The following ADCY2 variants were observed in gnomAD, a reference collection of about 807,000 sequenced individuals.
The protein encoded by ADCY2 is adenylate cyclase type 2.
ADCY2 carries 31 observed loss-of-function variants against 125.2 expected under a neutral mutation model. The ratio of observed to expected loss-of-function variants is 0.25; its 90% confidence interval spans 0.19 to 0.33. ADCY2 has a LOEUF of 0.33. Ranked by LOEUF, ADCY2 falls within the 10% of genes least tolerant of loss-of-function variation. The pLI is 1.00. For missense variants in ADCY2, 904 were observed against 1,418.2 expected (o/e 0.64, Z 5.82); for synonymous variants, 512 against 548.4 (o/e 0.93, Z 0.93).
chr5:7,703,069 G>T (rs1461445496), intron 7 of ADCY2, among the ~76,000 whole-genome samples: 1 of 152,126 alleles, frequency 6.6e-6, no homozygotes, highest in African/African-American at 2.4e-5. Context: ...ACTTTTTGAT[G>T]GGGTTGTTTG....
intron 3 of ADCY2, among the ~76,000 whole-genome samples, chr5:7,553,923 A>T (rs1286984027): frequency 6.6e-6 from 1 of 152,218 alleles, no homozygotes; most frequent in Non-Finnish European, 1.5e-5. Context: ...AATGTGAGGG[A>T]ATAGCAAACA....
At chr5:7,826,669 G>A in intron 24 of ADCY2, 50 bp from the exon 25 acceptor site, 1 of 1,613,180 alleles carries the variant, frequency 6.2e-7, no homozygotes, top group Non-Finnish European at 8.5e-7. Flanking sequence ...CAGATGGGTT[G>A]TATCAATGTA....
At chr5:7,818,383 G>C (rs1358623591) in intron 23 of ADCY2, among the ~76,000 whole-genome samples, 1 of 146,868 alleles carries the variant, frequency 6.8e-6, no homozygotes, top group East Asian at 2.0e-4. Context: ...GTGAGACAGA[G>C]TCTTGCTCTG....
chr5:7,785,467 C>T (rs1157764929), intron 19 of ADCY2, among the ~76,000 whole-genome samples: 1 of 152,070 alleles, frequency 6.6e-6, no homozygotes, highest in Non-Finnish European at 1.5e-5. Flanking sequence ...TTTGAGGTCC[C>T]TTCTTCCCAC....
chr5:7,481,206 G>A lies in ADCY2; in HGVS notation c.409-39532G>A, dbSNP rs556005952. Among the ~76,000 whole-genome samples, 18 of 152,220 alleles carry A rather than the reference G, an allele frequency of 1.2e-4. 1 individual carries two copies. The South Asian group carries it at 3.7e-3, about 32-fold the overall frequency. ...TGGGGTGAGATGATATCTCACTGCA[G>A]TTTTGATTTGCATTTCTCCGATAAT... is the stretch of plus-strand genomic sequence containing the variant. On this transcript the variant is annotated intron_variant, in intron 2 of 24. Coordinates refer to ENST00000338316, the MANE Select transcript of ADCY2 (RefSeq NM_020546.3).
At chr5:7,672,087 A>T (rs893741807) in intron 4 of ADCY2, among the ~76,000 whole-genome samples, 4 of 152,206 alleles carry the variant, frequency 2.6e-5, no homozygotes, top group Non-Finnish European at 5.9e-5. Flanking sequence ...CCCATATACT[A>T]TCAGGACACA....
intron 3 of ADCY2, among the ~76,000 whole-genome samples, chr5:7,543,931 A>G (rs13177919): frequency 0.21 from 31,646 of 147,312 alleles, 3,835 homozygotes; most frequent in East Asian, 0.42. Context: ...GGAGAATGGC[A>G]TGAACCCGGG....
chr5:7,490,233 A>G (rs1743110373), intron 2 of ADCY2, among the ~76,000 whole-genome samples: 1 of 152,078 alleles, frequency 6.6e-6, no homozygotes, highest in Non-Finnish European at 1.5e-5. Context: ...AGCTTCTATA[A>G]GCGTTGTTCT....
chr5:7,425,285 T>A (rs935728801), intron 2 of ADCY2, among the ~76,000 whole-genome samples: 2 of 152,220 alleles, frequency 1.3e-5, no homozygotes, highest in Non-Finnish European at 2.9e-5. Flanking sequence ...TTTGACTTAG[T>A]TTCAATGGAG....
At chr5:7,765,864 C>A (rs997771133) in intron 16 of ADCY2, among the ~76,000 whole-genome samples, 13 of 152,210 alleles carry the variant, frequency 8.5e-5, no homozygotes, top group African/African-American at 2.6e-4. Context: ...GACCCTTAGC[C>A]ACATGACAGA....
At chr5:7,483,110 C>T (rs1049699149) in intron 2 of ADCY2, among the ~76,000 whole-genome samples, 14 of 151,850 alleles carry the variant, frequency 9.2e-5, no homozygotes, top group African/African-American at 2.4e-4. Context: ...AACACAGTAG[C>T]GTTACTGTAG....
chr5:7,597,849 C>A (rs1737060635), intron 3 of ADCY2, among the ~76,000 whole-genome samples: 1 of 152,116 alleles, frequency 6.6e-6, no homozygotes, highest in African/African-American at 2.4e-5. Flanking sequence ...CGTTCTCACC[C>A]ACTCACCCCT....
intron 2 of ADCY2, among the ~76,000 whole-genome samples, chr5:7,512,217 T>TAAAAAAAAAAA (rs1398702717): frequency 2.3e-4 from 2 of 8,700 alleles, no homozygotes; most frequent in South Asian, 4.0e-3. Context: ...CATGACTCCA[T>TAAAAAAAAAAA]CAAAAAAAAA....
chr5:7,781,173 A>T (rs557105123), intron 18 of ADCY2, among the ~76,000 whole-genome samples: 1 of 152,320 alleles, frequency 6.6e-6, no homozygotes, highest in Non-Finnish European at 1.5e-5. Context: ...CTTAAAACAT[A>T]AAGGAGAGAG....
At chr5:7,622,234 G>A (rs2126654158) in intron 3 of ADCY2, among the ~76,000 whole-genome samples, 1 of 152,208 alleles carries the variant, frequency 6.6e-6, no homozygotes. Flanking sequence ...GCAGCCCTAG[G>A]TCTTGTATAA....
rs1738244829 is a variant in ADCY2 at position 7,629,450 on chromosome 5, T to C, written c.720+3134T>C. Among the ~76,000 whole-genome samples, 3 of 152,354 alleles carry C rather than the reference T, an allele frequency of 2.0e-5. No homozygotes were observed. The South Asian group carries it at 6.2e-4, about 32-fold the overall frequency. On this transcript the variant is annotated intron_variant, in intron 4 of 24. Coordinates refer to ENST00000338316, the MANE Select transcript of ADCY2 (RefSeq NM_020546.3). Reference sequence around the variant, plus strand: ...TTCAGATGCAAGTGAGATGAATTTCTAAAGATTAAAGCCCATGCTTGAATA... The same window carrying C: ...TTCAGATGCAAGTGAGATGAATTTCCAAAGATTAAAGCCCATGCTTGAATA...
At position 7,665,828 on chromosome 5, in the gene ADCY2, C is replaced by CTTTTTTTTTTTTTTT. The variant is rs70940750; in HGVS notation, c.721-24849_721-24835dup. Among the ~76,000 whole-genome samples the CTTTTTTTTTTTTTTT allele has an allele frequency of 1.0e-4, 4 of 38,632 alleles. 1 individual carries two copies. The highest frequency in any genetic ancestry group is 1.4e-4 in the Non-Finnish European group (3 of 21,988). 25.3% of individuals were successfully genotyped at this position (38,632 alleles called of 152,430 possible). ...TGTTTTGTTTTTTTTTAATTTAATT[C>CTTTTTTTTTTTTTTT]TTTTTTTTTTTTTTTTTTTTTTTTT... On this transcript the variant is annotated intron_variant, in intron 4 of 24. Coordinates refer to ENST00000338316, the MANE Select transcript of ADCY2 (RefSeq NM_020546.3).
intron 16 of ADCY2, 152 bp from the exon 17 acceptor site, chr5:7,766,535 G>T (rs894629060): frequency 1.1e-4 from 81 of 724,956 alleles, no homozygotes; most frequent in South Asian, 5.0e-4. Flanking sequence ...ACAATAAATT[G>T]TTAATTACTT....
chr5:7,571,354 G>A (rs1326479121), intron 3 of ADCY2, among the ~76,000 whole-genome samples: 3 of 152,256 alleles, frequency 2.0e-5, no homozygotes, highest in Non-Finnish European at 2.9e-5. Flanking sequence ...GAGTTCTGAT[G>A]TCAAACGACT....
Sources: allele counts gnomAD v4.1 joint callset (sites outside exome capture counted in the v4.1 genomes callset), GRCh38; gene constraint gnomAD v4.1.1; transcripts MANE v1.5; gene names NCBI Gene and HGNC (gene_info 2026-07-23, HGNC 2026-07-21).